Variants in CRNKL1 observed in about 807,000 individuals in gnomAD.
The protein encoded by CRNKL1 is crooked neck-like protein 1.
CRNKL1 carries 35 observed loss-of-function variants against 103.7 expected under a neutral mutation model. The observed-to-expected ratio is 0.34, with a 90% CI of 0.26 to 0.45. CRNKL1 has a LOEUF of 0.45. Ranked by LOEUF, CRNKL1 falls within the 20% of genes least tolerant of loss-of-function variation. CRNKL1 has a pLI of 1.00. For synonymous variants in CRNKL1, 267 were observed against 282.6 expected (o/e 0.94, Z 0.55); for missense variants, 645 against 836.0 (o/e 0.77, Z 2.82).
chr20:20,044,993 T>C (rs78232069), intron 6 of CRNKL1, among the ~76,000 whole-genome samples: 1,763 of 152,346 alleles, frequency 0.012, 24 homozygotes, highest in African/African-American at 0.04. Context: ...TTGTTTCCCA[T>C]ATTTATTATC....
chr20:20,052,474 C>T, upstream of CRNKL1: 1 of 1,614,258 alleles, frequency 6.2e-7, no homozygotes. Flanking sequence ...ACTTGCAGGA[C>T]TGACCTTTGA....
chr20:20,050,099 G>A (rs1477284211), intron 2 of CRNKL1, among the ~76,000 whole-genome samples: 2 of 152,220 alleles, frequency 1.3e-5, no homozygotes, highest in South Asian at 2.1e-4. Flanking sequence ...TTACAGGCGC[G>A]AGCCACTGTG....
rs201657454 is a variant in CRNKL1 at position 20,036,300 on chromosome 20, A to G, written c.1959T>C (p.Pro653=). ...YIFPEDAANQ[P]NLKLLAMAKL... ...TGGCCATGGCCAGGAGTTTGAGGTT[A>G]GGTTGGTTGGCAGCATCTTCTGGAA... The change falls in exon 14 of 14, where the codon CCT becomes CCC. Residue 653 remains proline (P), a synonymous_variant. Transcript: ENST00000536226. 25 of 1,614,216 alleles carry G rather than the reference A, an allele frequency of 1.5e-5. No individual in the cohort carries two copies. The highest frequency in any genetic ancestry group is 1.0e-4 in the Admixed American group (6 of 60,030).
At position 20,046,954 on chromosome 20, in the gene CRNKL1, G is replaced by C. The variant is rs374203826; in HGVS notation, c.622+811C>G. Among the ~76,000 whole-genome samples the C allele has an allele frequency of 9.8e-5, 15 of 152,354 alleles. 1 individual carries two copies. The highest frequency in any genetic ancestry group is 3.6e-4 in the African/African-American group (15 of 41,580). Reference sequence around the variant, plus strand: ...AATCTGCAAATAGTGAGGAATGACTGTACTTCAGTTTCTAAAAGTGCTTTC... The same window carrying C: ...AATCTGCAAATAGTGAGGAATGACTCTACTTCAGTTTCTAAAAGTGCTTTC... On this transcript the variant is annotated intron_variant, in intron 5 of 13. Transcript: ENST00000536226.
chr20:20,044,832 C>G (rs1408329022), intron 6 of CRNKL1, among the ~76,000 whole-genome samples: 1 of 151,900 alleles, frequency 6.6e-6, no homozygotes, highest in Non-Finnish European at 1.5e-5. Context: ...CCAGGCTGGT[C>G]TCAAACTCCT....
At chr20:20,036,464 A>C in intron 13 of CRNKL1, 102 bp from the exon 14 acceptor site, 2 of 1,072,830 alleles carry the variant, frequency 1.9e-6, no homozygotes, top group Non-Finnish European at 2.7e-6. Context: ...CCTCCATTTT[A>C]CAAAATAACA....
At position 20,045,544 on chromosome 20, in the gene CRNKL1, TAAGTAAACACCAAAAC is replaced by T. The variant is rs528837697; in HGVS notation, c.623-74_623-59del. On this transcript the variant is annotated intron_variant, in intron 5 of 13. Coordinates refer to ENST00000536226, the MANE Select transcript of CRNKL1 (RefSeq NM_001278628.2). The stretch of plus-strand genomic sequence containing the variant: ...CAGCATGGCTTAAAAAAATAGTAAG[TAAGTAAACACCAAAAC>T]CATACCAAAGCCTGGAAACTCCAAA... The T allele has an allele frequency of 1.7e-3, 2,564 of 1,474,216 alleles. 8 individuals carry two copies. Among genetic ancestry groups the T allele is most frequent in the Non-Finnish European group, 2.2e-3 (2,389 of 1,084,046 alleles). 91.3% of individuals were successfully genotyped at this position (1,474,216 alleles called of 1,614,324 possible). A position where few individuals can be genotyped will look rare whatever the true frequency, so the allele number is the denominator to read the frequency against.
intron 10 of CRNKL1, 111 bp downstream of exon 10, chr20:20,040,575 A>G (rs7264835): frequency 0.1 from 81,701 of 803,024 alleles, 11,533 homozygotes; most frequent in East Asian, 0.57. Context: ...CTATAAAGGT[A>G]TAATACTTCT....
chr20:20,054,412 T>C (rs201863584), upstream of CRNKL1, among the ~76,000 whole-genome samples: 397 of 151,464 alleles, frequency 2.6e-3, 2 homozygotes, highest in African/African-American at 9.0e-3. Flanking sequence ...TATATATATA[T>C]ATACACACAC....
rs1299315257 is a variant in CRNKL1, at chr20:20,038,085, C to CA, written c.1647+263dup. The stretch of plus-strand genomic sequence containing the variant: ...CTAGAGACACAGCAAGACTCCGTCT[C>CA]AAAAAAAAAAAAAATAGTTTAACTT... On this transcript the variant is annotated intron_variant, in intron 12 of 13. Transcript: ENST00000536226. 8.2e-3 allele frequency among the ~76,000 whole-genome samples: 1,021 copies of CA among 125,018 alleles called. 7 individuals are homozygous for CA. The highest frequency in any genetic ancestry group is 0.024 in the African/African-American group (816 of 33,894). The allele number at this position is 125,018 out of a possible 152,430, so 82.0% of individuals were successfully genotyped here. A position where few individuals can be genotyped will look rare whatever the true frequency, so the allele number is the denominator to read the frequency against.
intron 4 of CRNKL1, 59 bp from the exon 5 acceptor site, chr20:20,047,990 G>A (rs2043621992): frequency 2.7e-6 from 4 of 1,506,556 alleles, no homozygotes; most frequent in Non-Finnish European, 3.6e-6. Flanking sequence ...TGTTGAATGG[G>A]AAGAAGATTG....
chr20:20,053,685 A>G (rs6046574), upstream of CRNKL1, among the ~76,000 whole-genome samples: 330 of 152,146 alleles, frequency 2.2e-3, 1 homozygote, highest in African/African-American at 7.6e-3. Context: ...ACCAACATCA[A>G]TGTATTTGCC....
chr20:20,040,331 A>AG (rs1039692320), intron 10 of CRNKL1, among the ~76,000 whole-genome samples: 2 of 124,760 alleles, frequency 1.6e-5, no homozygotes, highest in African/African-American at 6.0e-5. Flanking sequence ...CCAAACAAAC[A>AG]AAAAAAAAAA....
chr20:20,040,807 C>A (rs1393827447), intron 9 of CRNKL1, 41 bp from the exon 10 acceptor site: 1 of 1,325,308 alleles, frequency 7.5e-7, no homozygotes, highest in African/African-American at 1.5e-5. Context: ...TTAAAAGCCT[C>A]ATCCAAATTA....
At chr20:20,039,309 C>G (rs2043473471) in intron 11 of CRNKL1, among the ~76,000 whole-genome samples, 1 of 152,146 alleles carries the variant, frequency 6.6e-6, no homozygotes, top group South Asian at 2.1e-4. Flanking sequence ...TCTTCCTTGC[C>G]TGGCCTCTTC....
At chr20:20,047,726 G>A (rs1390152960) in intron 5 of CRNKL1, 39 bp downstream of exon 5, 1 of 1,591,058 alleles carries the variant, frequency 6.3e-7, no homozygotes, top group Non-Finnish European at 8.6e-7. Context: ...CAGCATCCAG[G>A]ACAATCATGG....
chr20:20,035,943 T>C lies in CRNKL1; in HGVS notation c.*252A>G, dbSNP rs2043412485. On this transcript the variant is annotated 3_prime_UTR_variant, in exon 14 of 14. Transcript: ENST00000536226. ...ATGTTACCTTAATTACATTTCCTAATGCATGATGTGGACAGACATTAGAAA... is the reference window on the plus strand; with the variant it reads ...ATGTTACCTTAATTACATTTCCTAACGCATGATGTGGACAGACATTAGAAA... 6 of 395,522 alleles carry C rather than the reference T, an allele frequency of 1.5e-5. No homozygotes were observed. Among genetic ancestry groups the C allele is most frequent in the Non-Finnish European group, 2.7e-5 (6 of 221,198 alleles). 24.5% of individuals were successfully genotyped at this position (395,522 alleles called of 1,614,324 possible).
chr20:20,048,512 A>C lies in CRNKL1; in HGVS notation c.297-11T>G. 2.5e-6 allele frequency: 4 copies of C among 1,613,456 alleles called. No homozygotes were observed. Among genetic ancestry groups the C allele is most frequent in the Non-Finnish European group, 3.4e-6 (4 of 1,179,396 alleles). On this transcript the variant is annotated splice_polypyrimidine_tract_variant and intron_variant, in intron 3 of 13. Transcript: ENST00000536226. ...TATATGGATCGAGCCCTTAAGAAGC[A>C]AGATTTGCAGGGCATCAAAAATAGA...
At position 20,047,831 on chromosome 20, in the gene CRNKL1, G is replaced by A. The variant is rs2043617922; in HGVS notation, c.556C>T (p.His186Tyr). 1 of 1,614,098 alleles carries A rather than the reference G, an allele frequency of 6.2e-7. No homozygotes were observed. Among genetic ancestry groups the A allele is most frequent in the African/African-American group, 1.3e-5 (1 of 74,918 alleles). Residue 186 changes from histidine (H) to tyrosine (Y), a missense_variant, in exon 5 of 14, where the codon CAC becomes TAC. By Grantham distance (83) the His-to-Tyr change is moderately conservative (BLOSUM62 2). Coordinates refer to ENST00000536226, the MANE Select transcript of CRNKL1 (RefSeq NM_001278628.2). ...CTCAGCTCAAAGTTGATGTAGGAGT[G>A]CCAGGCTTGCTCCTCAGGCTGCCAC... ...MEWQPEEQAW[H>Y]SYINFELRYK...
Sources: allele counts gnomAD v4.1 joint callset (sites outside exome capture counted in the v4.1 genomes callset), GRCh38; gene constraint gnomAD v4.1.1; transcripts MANE v1.5; gene names NCBI Gene and HGNC (gene_info 2026-07-23, HGNC 2026-07-21).